Variants in PLCB1 observed in about 807,000 individuals in gnomAD.
PLCB1 encodes the protein phospholipase C beta 1.
In PLCB1, 46 loss-of-function variants were observed where a neutral mutation model predicts 161.8. The observed-to-expected ratio is 0.28, with a 90% CI of 0.22 to 0.36. PLCB1 has a LOEUF of 0.36. PLCB1 is among the 10% of genes least tolerant of loss of function. The probability of loss-of-function intolerance (pLI) is 1.00; values close to 1 mark genes in which losing one functional copy is unlikely to be tolerated. For missense variants in PLCB1, 1,016 were observed against 1,472.5 expected (o/e 0.69, Z 5.07); for synonymous variants, 517 against 503.7 (o/e 1.03, Z -0.35).
At chr20:8,731,033 T>G (rs1295187658) in intron 18 of PLCB1, among the ~76,000 whole-genome samples, 1 of 151,844 alleles carries the variant, frequency 6.6e-6, no homozygotes, top group African/African-American at 2.4e-5. Context: ...ATTTATTGCT[T>G]TGGCCTTACC....
chr20:8,198,247 G>A (rs964068926), intron 2 of PLCB1, among the ~76,000 whole-genome samples: 6 of 152,046 alleles, frequency 3.9e-5, no homozygotes, highest in Admixed American at 2.0e-4. Context: ...AAATTACCTT[G>A]GGCAGTATGG....
chr20:8,671,708 C>G (rs1357729529), intron 9 of PLCB1, among the ~76,000 whole-genome samples: 2 of 152,132 alleles, frequency 1.3e-5, no homozygotes, highest in African/African-American at 2.4e-5. Context: ...AGATTGAAGC[C>G]AACTGCCAAG....
intron 2 of PLCB1, among the ~76,000 whole-genome samples, chr20:8,177,202 T>C (rs1190561386): frequency 6.6e-6 from 1 of 152,128 alleles, no homozygotes; most frequent in Non-Finnish European, 1.5e-5. Context: ...TCATGAGAGC[T>C]CTGCCCTCAT....
intron 3 of PLCB1, among the ~76,000 whole-genome samples, chr20:8,595,265 A>C (rs28751886): frequency 2.5e-5 from 3 of 118,736 alleles, no homozygotes; most frequent in African/African-American, 9.7e-5. Context: ...CCCACCCCAC[A>C]ACAGTCCCCA....
intron 4 of PLCB1, among the ~76,000 whole-genome samples, chr20:8,629,967 T>TTTCTTTTCTTTCTTTC: frequency 6.3e-5 from 1 of 15,938 alleles, no homozygotes; most frequent in South Asian, 1.3e-3. Flanking sequence ...TTCTTTCTTC[T>TTTCTTTTCTTTCTTTC]TTCTTTCTTT....
At chr20:8,879,735 G>C (rs2146334687) in intron 31 of PLCB1, among the ~76,000 whole-genome samples, 1 of 152,294 alleles carries the variant, frequency 6.6e-6, no homozygotes, top group African/African-American at 2.4e-5. Context: ...AGTGAAAGGA[G>C]TTGAACTAAA....
intron 31 of PLCB1, among the ~76,000 whole-genome samples, chr20:8,860,057 T>A (rs1299109847): frequency 2.0e-5 from 3 of 152,272 alleles, no homozygotes; most frequent in Admixed American, 1.3e-4. Context: ...AATAACTGAG[T>A]TTGAATTCTG....
At chr20:8,255,736 A>G (rs1981375785) in intron 2 of PLCB1, among the ~76,000 whole-genome samples, 1 of 151,998 alleles carries the variant, frequency 6.6e-6, no homozygotes, top group Non-Finnish European at 1.5e-5. Flanking sequence ...TGACAGTTTA[A>G]TTTCTTCTAT....
intron 3 of PLCB1, among the ~76,000 whole-genome samples, chr20:8,442,168 A>G (rs1980589627): frequency 6.6e-6 from 1 of 152,194 alleles, no homozygotes; most frequent in Non-Finnish European, 1.5e-5. Flanking sequence ...TATGTCTTAA[A>G]TACTTAATTT....
chr20:8,138,991 G>A (rs531840492), intron 1 of PLCB1, among the ~76,000 whole-genome samples: 13 of 149,802 alleles, frequency 8.7e-5, no homozygotes, highest in Admixed American at 2.0e-4. Flanking sequence ...ATATAAAATT[G>A]GAAAAAAGTT....
intron 2 of PLCB1, among the ~76,000 whole-genome samples, chr20:8,179,695 G>A (rs2051818327): frequency 6.6e-6 from 1 of 152,118 alleles, no homozygotes; most frequent in African/African-American, 2.4e-5. Flanking sequence ...TAGGAGTGGT[G>A]AGAATGGGCA....
intron 2 of PLCB1, among the ~76,000 whole-genome samples, chr20:8,285,282 A>G (rs1983060688): frequency 6.7e-6 from 1 of 148,992 alleles, no homozygotes; most frequent in Non-Finnish European, 1.5e-5. Flanking sequence ...TTCTAAATAT[A>G]TATATTTATA....
chr20:8,389,786 G>C (rs1217945717), intron 3 of PLCB1, among the ~76,000 whole-genome samples: 2 of 152,078 alleles, frequency 1.3e-5, no homozygotes, highest in Admixed American at 1.3e-4. Context: ...AGAAGCACTT[G>C]GGGAGCTTTT....
intron 3 of PLCB1, among the ~76,000 whole-genome samples, chr20:8,619,863 C>T (rs772410141): frequency 2.0e-5 from 3 of 152,214 alleles, no homozygotes; most frequent in Non-Finnish European, 2.9e-5. Flanking sequence ...AATATACATA[C>T]TGATCGACAA....
At chr20:8,864,772 T>C (rs6108206) in intron 31 of PLCB1, among the ~76,000 whole-genome samples, 64,794 of 152,042 alleles carry the variant, frequency 0.43, 15,334 homozygotes, top group East Asian at 0.78. Flanking sequence ...TTCCTGTCAC[T>C]GGTAAGATTA....
At chr20:8,626,170 T>G (rs1600202720) in intron 3 of PLCB1, among the ~76,000 whole-genome samples, 1 of 93,858 alleles carries the variant, frequency 1.1e-5, no homozygotes. Flanking sequence ...AAAGCAAGAC[T>G]CCATCTCAAA....
At position 8,215,432 on chromosome 20, in the gene PLCB1, G is replaced by A. The variant is rs547619099; in HGVS notation, c.177+65061G>A. Among the ~76,000 whole-genome samples, 136 of 152,054 alleles carry A rather than the reference G, an allele frequency of 8.9e-4. 1 individual carries two copies. The highest frequency in any genetic ancestry group is 2.8e-3 in the African/African-American group (117 of 41,520). Reference sequence around the variant, plus strand: ...AGAGACGGCAACATCATGTCGCCTCGCAAGCCAGAGGACAGCTTTGAATTG... The same window carrying A: ...AGAGACGGCAACATCATGTCGCCTCACAAGCCAGAGGACAGCTTTGAATTG... On this transcript the variant is annotated intron_variant, in intron 2 of 31. Coordinates refer to ENST00000338037, the MANE Select transcript of PLCB1 (RefSeq NM_015192.4).
At chr20:8,784,319 T>A (rs1983377833) in intron 27 of PLCB1, among the ~76,000 whole-genome samples, 1 of 151,660 alleles carries the variant, frequency 6.6e-6, no homozygotes, top group African/African-American at 2.4e-5. Context: ...TCCCAGCACT[T>A]TGGGAGACTG....
At chr20:8,773,219 A>T (rs1004405991) in intron 26 of PLCB1, among the ~76,000 whole-genome samples, 11 of 152,252 alleles carry the variant, frequency 7.2e-5, no homozygotes, top group Admixed American at 1.3e-4. Context: ...ATTCTAAGAA[A>T]CTTTACCTGG....
Sources: allele counts gnomAD v4.1 joint callset (sites outside exome capture counted in the v4.1 genomes callset), GRCh38; gene constraint gnomAD v4.1.1; transcripts MANE v1.5; gene names NCBI Gene and HGNC (gene_info 2026-07-23, HGNC 2026-07-21).